Variants in RGL1 observed in about 807,000 individuals in gnomAD.
RGL1 encodes ral guanine nucleotide dissociation stimulator like 1.
A neutral mutation model predicts 95.2 loss-of-function variants in RGL1; 24 were observed. The observed-to-expected ratio is 0.25, with a 90% CI of 0.18 to 0.35. The LOEUF (loss-of-function observed/expected upper bound fraction) is 0.35. Ranked by LOEUF, RGL1 falls within the 10% of genes least tolerant of loss-of-function variation. The pLI is 1.00. For missense variants in RGL1, 715 were observed against 936.3 expected (o/e 0.76, Z 3.08); for synonymous variants, 329 against 344.9 (o/e 0.95, Z 0.51).
chr1:183,794,200 T>C (rs1349021949), intron 2 of RGL1, among the ~76,000 whole-genome samples: 2 of 152,004 alleles, frequency 1.3e-5, no homozygotes, highest in African/African-American at 4.8e-5. Context: ...GAAAGACAAA[T>C]ATTGCATGTT....
At chr1:183,660,709 T>A (rs1227604191) in intron 1 of RGL1, among the ~76,000 whole-genome samples, 1 of 151,864 alleles carries the variant, frequency 6.6e-6, no homozygotes, top group East Asian at 1.9e-4. Flanking sequence ...CAAGCAGACC[T>A]AATAGACATC....
At chr1:183,923,787 A>G (rs1323069539) in intron 17 of RGL1, among the ~76,000 whole-genome samples, 5 of 152,188 alleles carry the variant, frequency 3.3e-5, no homozygotes, top group African/African-American at 1.2e-4. Context: ...AGCATGGGAC[A>G]CTTTGAGGGG....
chr1:183,748,646 T>C (rs1035072443), intron 2 of RGL1, among the ~76,000 whole-genome samples: 1 of 152,146 alleles, frequency 6.6e-6, no homozygotes, highest in Non-Finnish European at 1.5e-5. Flanking sequence ...GACCTCGTGA[T>C]CTGCCTGCCT....
At chr1:183,729,379 A>G (rs1073848) in intron 1 of RGL1, among the ~76,000 whole-genome samples, 71,000 of 151,956 alleles carry the variant, frequency 0.47, 17,450 homozygotes, top group East Asian at 0.8. Context: ...ATCATTCATC[A>G]TTAGGGAAAT....
At chr1:183,905,385 G>C (rs1250109551) in intron 13 of RGL1, among the ~76,000 whole-genome samples, 1 of 151,658 alleles carries the variant, frequency 6.6e-6, no homozygotes, top group Non-Finnish European at 1.5e-5. Flanking sequence ...TTTCAACCTA[G>C]AGGGGTTGAG....
chr1:183,738,183 G>C (rs1352136673), intron 1 of RGL1, among the ~76,000 whole-genome samples: 1 of 152,188 alleles, frequency 6.6e-6, no homozygotes, highest in African/African-American at 2.4e-5. Flanking sequence ...ACTTTGGGAG[G>C]CCGAGGCAGG....
chr1:183,644,205 T>C (rs1289374315), intron 1 of RGL1, among the ~76,000 whole-genome samples: 2 of 152,208 alleles, frequency 1.3e-5, no homozygotes, highest in Non-Finnish European at 2.9e-5. Flanking sequence ...ATTAAGAACA[T>C]GGATTCTGGA....
chr1:183,810,522 T>C (rs1661637626), intron 2 of RGL1, among the ~76,000 whole-genome samples: 1 of 151,824 alleles, frequency 6.6e-6, no homozygotes, highest in Non-Finnish European at 1.5e-5. Context: ...TAGATGGGAG[T>C]CTGGTAAAGA....
intron 1 of RGL1, among the ~76,000 whole-genome samples, chr1:183,715,541 TTAAA>T (rs1287280288): frequency 2.0e-5 from 3 of 152,218 alleles, no homozygotes; most frequent in Admixed American, 6.5e-5. Flanking sequence ...CACTAGCATC[TTAAA>T]TAATTAGGTG....
intron 1 of RGL1, among the ~76,000 whole-genome samples, chr1:183,728,564 A>ATTGT (rs35246723): frequency 0.69 from 105,138 of 151,472 alleles, 36,836 homozygotes; most frequent in East Asian, 0.91. Context: ...AAGACCTGAA[A>ATTGT]TTGTGATTTC....
At chr1:183,865,950 A>G (rs766463024) in intron 3 of RGL1, 46 bp from the exon 4 acceptor site, 23 of 1,377,746 alleles carry the variant, frequency 1.7e-5, no homozygotes, top group Non-Finnish European at 3.1e-6. Context: ...TTGCTTTCCA[A>G]CACCACTGAC....
intron 1 of RGL1, among the ~76,000 whole-genome samples, chr1:183,677,735 C>T (rs16861455): frequency 0.016 from 2,500 of 152,212 alleles, 67 homozygotes; most frequent in African/African-American, 0.058. Flanking sequence ...GTGTTGTGAA[C>T]ATTTTACACA....
At chr1:183,876,906 C>T (rs956339524) in intron 4 of RGL1, among the ~76,000 whole-genome samples, 1 of 152,200 alleles carries the variant, frequency 6.6e-6, no homozygotes, top group Non-Finnish European at 1.5e-5. Context: ...CAATCCCTTC[C>T]TTCTATGACT....
chr1:183,793,774 A>G (rs1381263233), intron 2 of RGL1, among the ~76,000 whole-genome samples: 1 of 152,258 alleles, frequency 6.6e-6, no homozygotes, highest in East Asian at 1.9e-4. Flanking sequence ...GCAGAGGAAA[A>G]GAAACTCTAA....
intron 1 of RGL1, chr1:183,709,160 G>A (rs927794701): frequency 2.0e-5 from 3 of 152,262 alleles, no homozygotes; most frequent in Admixed American, 1.3e-4. Flanking sequence ...GTCTTCTGCC[G>A]GCCGTCTCTC....
At chr1:183,810,216 G>A (rs1413064610) in intron 2 of RGL1, among the ~76,000 whole-genome samples, 6 of 152,204 alleles carry the variant, frequency 3.9e-5, no homozygotes, top group African/African-American at 1.2e-4. Flanking sequence ...TCATGCTGTT[G>A]TCTTCAGAAT....
At chr1:183,884,023 C>T (rs1055887737) in intron 6 of RGL1, 113 bp downstream of exon 6, 1 of 1,129,804 alleles carries the variant, frequency 8.9e-7, no homozygotes, top group Non-Finnish European at 1.3e-6. Context: ...TTCTTGAATC[C>T]TTGAGACAGG....
chr1:183,804,366 G>A (rs1463196763), upstream of RGL1, among the ~76,000 whole-genome samples: 2 of 152,176 alleles, frequency 1.3e-5, no homozygotes, highest in Non-Finnish European at 2.9e-5. Flanking sequence ...CTAAAAAAAT[G>A]TAATAATCTT....
At chr1:183,792,758 C>T (rs574888270) in intron 2 of RGL1, among the ~76,000 whole-genome samples, 3 of 152,116 alleles carry the variant, frequency 2.0e-5, no homozygotes, top group African/African-American at 7.2e-5. Flanking sequence ...GGTGAAAGAT[C>T]TCTGCAATGA....
Sources: allele counts gnomAD v4.1 joint callset (sites outside exome capture counted in the v4.1 genomes callset), GRCh38; gene constraint gnomAD v4.1.1; transcripts MANE v1.5; gene names NCBI Gene and HGNC (gene_info 2026-07-23, HGNC 2026-07-21).